KCTD16: variants seen among roughly 807,000 people sequenced by gnomAD.
KCTD16 encodes the protein BTB/POZ domain-containing protein KCTD16.
A neutral mutation model predicts 33.2 loss-of-function variants in KCTD16; 13 were observed. The observed-to-expected ratio is 0.39, with a 90% CI of 0.25 to 0.62. The LOEUF (loss-of-function observed/expected upper bound fraction) is 0.62, where lower values mean the gene tolerates loss of function less well. Ranked by LOEUF, KCTD16 falls within the 20% of genes least tolerant of loss-of-function variation. The probability of loss-of-function intolerance (pLI) is 0.50; values close to 1 mark genes in which losing one functional copy is unlikely to be tolerated. For synonymous variants in KCTD16, 197 were observed against 195.3 expected (o/e 1.01, Z -0.07); for missense variants, 441 against 525.1 (o/e 0.84, Z 1.57).
At chr5:144,366,502 A>G (rs75068525) in intron 3 of KCTD16, among the ~76,000 whole-genome samples, 2,858 of 152,256 alleles carry the variant, frequency 0.019, 79 homozygotes, top group African/African-American at 0.065. Context: ...AATTGGGAGA[A>G]TAAGGAGTTT....
Position 144,483,026 on chromosome 5 carries a change from T to C in KCTD16, c.*8912T>C, listed in dbSNP as rs1231184830. ...AATATTTAGATTTAATATCTATGAA[T>C]AATAAACCAAAAAAAGTGCATTTAA... On this transcript the variant is annotated 3_prime_UTR_variant, in exon 4 of 4. Coordinates refer to ENST00000512467, the MANE Select transcript of KCTD16 (RefSeq NM_020768.4). The C allele has an allele frequency of 2.0e-5, 3 of 150,022 alleles. No individual in the cohort carries two copies. The highest frequency in any genetic ancestry group is 7.4e-5 in the African/African-American group (3 of 40,778). 9.3% of individuals were successfully genotyped at this position (150,022 alleles called of 1,614,324 possible).
intron 3 of KCTD16, among the ~76,000 whole-genome samples, chr5:144,259,189 C>T (rs1346071263): frequency 1.1e-4 from 14 of 130,774 alleles, no homozygotes; most frequent in Admixed American, 1.8e-4. Context: ...ACCCGAGAGG[C>T]GGAGCTTGCA....
At chr5:144,445,081 C>G (rs1470479936) in intron 3 of KCTD16, among the ~76,000 whole-genome samples, 1 of 151,274 alleles carries the variant, frequency 6.6e-6, no homozygotes, top group African/African-American at 2.4e-5. Context: ...TTTAGGGACT[C>G]CTATTATATG....
intron 3 of KCTD16, among the ~76,000 whole-genome samples, chr5:144,352,262 A>G (rs1751461814): frequency 6.6e-6 from 1 of 152,210 alleles, no homozygotes; most frequent in Admixed American, 6.6e-5. Context: ...TTGATTCTCT[A>G]GGCTTGGGGA....
intron 3 of KCTD16, among the ~76,000 whole-genome samples, chr5:144,323,943 A>G (rs1246645589): frequency 2.0e-5 from 3 of 152,168 alleles, no homozygotes; most frequent in African/African-American, 7.2e-5. Flanking sequence ...TACTGTGACT[A>G]CAAGGACTCA....
At chr5:144,263,273 T>C (rs1755059645) in intron 3 of KCTD16, among the ~76,000 whole-genome samples, 1 of 152,230 alleles carries the variant, frequency 6.6e-6, no homozygotes, top group South Asian at 2.1e-4. Flanking sequence ...AGATGTTTGT[T>C]GGTGGCAAGG....
intron 3 of KCTD16, among the ~76,000 whole-genome samples, chr5:144,317,320 A>T (rs148798723): frequency 6.6e-6 from 1 of 152,280 alleles, no homozygotes; most frequent in East Asian, 1.9e-4. Flanking sequence ...TTTGGAGGGA[A>T]GGTGCTGTTA....
chr5:144,471,580 G>T (rs1199662620), intron 3 of KCTD16, among the ~76,000 whole-genome samples: 1 of 152,164 alleles, frequency 6.6e-6, no homozygotes, highest in African/African-American at 2.4e-5. Context: ...TGGTATAGGG[G>T]TTGCCGAGTT....
intron 3 of KCTD16, among the ~76,000 whole-genome samples, chr5:144,414,421 CA>C (rs1753002099): frequency 6.6e-6 from 1 of 152,090 alleles, no homozygotes; most frequent in Non-Finnish European, 1.5e-5. Flanking sequence ...GTTATTTTTG[CA>C]GTGGGAAAGA....
intron 3 of KCTD16, among the ~76,000 whole-genome samples, chr5:144,226,469 TAGTA>T (rs1238080276): frequency 6.6e-6 from 1 of 152,184 alleles, no homozygotes; most frequent in Non-Finnish European, 1.5e-5. Context: ...CTGTGGAATA[TAGTA>T]AGTATGAGTT....
chr5:144,207,361 A>T lies in KCTD16; in HGVS notation c.647A>T (p.Asp216Val), dbSNP rs1753216476. The stretch of plus-strand genomic sequence containing the variant: ...ACTTTGAATGAAAGCAGAGACCCTG[A>T]TCGAGCCCCAGAAAGATACACCTCC... ...GETLNESRDPDRAPERYTSRF... is the reference protein window; with the variant it reads ...GETLNESRDPVRAPERYTSRF... Residue 216 changes from aspartate to valine, a missense_variant, in exon 3 of 4, where the codon GAT (aspartate) becomes GTT (valine). Transcript: ENST00000512467. 1 of 1,614,214 alleles carries T rather than the reference A, an allele frequency of 6.2e-7. No homozygotes were observed. Among genetic ancestry groups the T allele is most frequent in the Admixed American group, 1.7e-5 (1 of 60,026 alleles).
intron 3 of KCTD16, among the ~76,000 whole-genome samples, chr5:144,348,498 T>C (rs10223105): frequency 0.013 from 2,049 of 152,326 alleles, 48 homozygotes; most frequent in African/African-American, 0.046. Flanking sequence ...ATCCTCATCG[T>C]GTTACTTCAG....
chr5:144,177,842 T>C (rs1053930120), intron 2 of KCTD16, among the ~76,000 whole-genome samples: 3 of 152,242 alleles, frequency 2.0e-5, no homozygotes, highest in African/African-American at 7.2e-5. Context: ...AGCCTTATGA[T>C]GTTACTGCAT....
intron 3 of KCTD16, among the ~76,000 whole-genome samples, chr5:144,213,672 T>A (rs1278027349): frequency 6.6e-6 from 1 of 152,192 alleles, no homozygotes; most frequent in African/African-American, 2.4e-5. Context: ...ATTTTACAAT[T>A]TGCATTGGAG....
chr5:144,217,214 A>G (rs149927387), intron 3 of KCTD16, among the ~76,000 whole-genome samples: 12 of 152,278 alleles, frequency 7.9e-5, no homozygotes, highest in African/African-American at 2.6e-4. Context: ...TGGCTTAAGC[A>G]CTCATTTACA....
At chr5:144,351,389 A>C (rs541498164) in intron 3 of KCTD16, among the ~76,000 whole-genome samples, 11 of 152,192 alleles carry the variant, frequency 7.2e-5, no homozygotes, top group Non-Finnish European at 1.5e-4. Context: ...GGCTATTATC[A>C]AAAAGACAAG....
intron 3 of KCTD16, among the ~76,000 whole-genome samples, chr5:144,215,666 T>C (rs918793826): frequency 1.3e-5 from 2 of 152,226 alleles, no homozygotes; most frequent in Non-Finnish European, 1.5e-5. Flanking sequence ...GATAATTAAA[T>C]GGGTTGATAT....
At chr5:144,449,324 A>C (rs1323223447) in intron 3 of KCTD16, among the ~76,000 whole-genome samples, 2 of 152,002 alleles carry the variant, frequency 1.3e-5, no homozygotes, top group African/African-American at 4.8e-5. Flanking sequence ...TGTGCATACT[A>C]TGCAAAGCTG....
rs893191098 is a variant in KCTD16 at position 144,476,302 on chromosome 5, C to A, written c.*2188C>A. ...CTAAAATGGCCAAAGTTCCAACTTCCTTAAATTTCAGACCTGACTGTAATG... is the reference window on the plus strand; with the variant it reads ...CTAAAATGGCCAAAGTTCCAACTTCATTAAATTTCAGACCTGACTGTAATG... On this transcript the variant is annotated 3_prime_UTR_variant, in exon 4 of 4. Transcript: ENST00000512467. The A allele has an allele frequency of 2.0e-5, 3 of 152,132 alleles. No individual in the cohort carries two copies. The highest frequency in any genetic ancestry group is 2.9e-5 in the Non-Finnish European group (2 of 68,012). 9.4% of individuals were successfully genotyped at this position (152,132 alleles called of 1,614,324 possible).
Sources: gnomAD v4.1 joint callset for allele counts (sites outside exome capture counted in the v4.1 genomes callset) on GRCh38, gnomAD v4.1.1 for gene constraint, MANE v1.5 for transcripts, NCBI Gene and HGNC (gene_info 2026-07-23, HGNC 2026-07-21) for gene names.